CECR2: variants seen among roughly 807,000 people sequenced by gnomAD.
CECR2 encodes CECR2 histone acetyl-lysine reader.
In CECR2, 30 loss-of-function variants were observed where a neutral mutation model predicts 154.5. The ratio of observed to expected loss-of-function variants is 0.19; its 90% CI spans 0.15 to 0.26. The LOEUF is 0.26. Among genes scored for constraint, CECR2 ranks in the 10% least tolerant of loss-of-function variants. CECR2 has a pLI of 1.00. For missense variants in CECR2, 1,743 were observed against 1,829.3 expected (o/e 0.95, Z 0.86); for synonymous variants, 725 against 683.7 (o/e 1.06, Z -0.94).
At chr22:17,486,914 G>C (rs756450634) in intron 2 of CECR2, among the ~76,000 whole-genome samples, 1 of 152,030 alleles carries the variant, frequency 6.6e-6, no homozygotes, top group Non-Finnish European at 1.5e-5. Context: ...GTTTCATTCC[G>C]TAGGCTTGGG....
intron 1 of CECR2, among the ~76,000 whole-genome samples, chr22:17,423,647 T>C (rs936508108): frequency 6.6e-5 from 10 of 152,328 alleles, no homozygotes; most frequent in South Asian, 2.1e-4. Flanking sequence ...GAGGTAAATC[T>C]TAGAAGAATT....
At chr22:17,525,306 A>AG (rs1408496176) in intron 9 of CECR2, among the ~76,000 whole-genome samples, 24 of 145,978 alleles carry the variant, frequency 1.6e-4, no homozygotes, top group African/African-American at 5.9e-4. Flanking sequence ...AAAAAAAAAA[A>AG]AAAAAAAAAG....
At chr22:17,441,603 A>AT (rs1555909889) in intron 1 of CECR2, among the ~76,000 whole-genome samples, 9 of 151,554 alleles carry the variant, frequency 5.9e-5, no homozygotes, top group African/African-American at 2.2e-4. Context: ...TGTGGACCCC[A>AT]CCCCCCGTTA....
chr22:17,485,547 TCAC>T, intron 2 of CECR2, among the ~76,000 whole-genome samples: 1 of 152,150 alleles, frequency 6.6e-6, no homozygotes, highest in Non-Finnish European at 1.5e-5. Flanking sequence ...GGCAGGCCGC[TCAC>T]ATGAACTCAG....
chr22:17,541,701 C>A, intron 14 of CECR2, 138 bp from the exon 15 acceptor site: 1 of 1,024,128 alleles, frequency 9.8e-7, no homozygotes, highest in Non-Finnish European at 1.4e-6. Context: ...CGTGTGTTCA[C>A]AGTCTCCCTG....
chr22:17,459,416 C>G (rs115921732), intron 1 of CECR2, among the ~76,000 whole-genome samples: 2 of 152,116 alleles, frequency 1.3e-5, no homozygotes, highest in South Asian at 2.1e-4. Flanking sequence ...CTCAGCCACC[C>G]GAGTAGCTGG....
rs55977287 is a variant in CECR2, at chr22:17,480,419, T to TACACACACACACACAC, written c.221+2763_221+2778dup. Among the ~76,000 whole-genome samples the TACACACACACACACAC allele has an allele frequency of 3.0e-3, 411 of 137,404 alleles. 2 individuals are homozygous for TACACACACACACACAC. Among genetic ancestry groups the TACACACACACACACAC allele is most frequent in the East Asian group, 0.015 (70 of 4,596 alleles). The allele number at this position is 137,404 out of a possible 152,430, so 90.1% of individuals were successfully genotyped here. A position where few individuals can be genotyped will look rare whatever the true frequency, so the allele number is the denominator to read the frequency against. Reference sequence around the variant, plus strand: ...CTTGAAACTTACTACTCATGTATAATACACACACACACACACACACACACA... The same window carrying TACACACACACACACAC: ...CTTGAAACTTACTACTCATGTATAATACACACACACACACACACACACACACACACACACACACACA... On this transcript the variant is annotated intron_variant, in intron 2 of 18. Transcript: ENST00000262608.
intron 1 of CECR2, among the ~76,000 whole-genome samples, chr22:17,435,408 A>G (rs2054488594): frequency 6.6e-6 from 1 of 152,162 alleles, no homozygotes; most frequent in African/African-American, 2.4e-5. Context: ...ATCGGAAAGC[A>G]AGGTAGAATT....
intron 1 of CECR2, among the ~76,000 whole-genome samples, chr22:17,384,090 A>G (rs1403657536): frequency 1.3e-5 from 2 of 152,106 alleles, no homozygotes; most frequent in African/African-American, 4.8e-5. Context: ...GCTTCTTCCA[A>G]ACTCCTGTTA....
At chr22:17,474,800 TCTTAG>T (rs2055182305) in intron 1 of CECR2, among the ~76,000 whole-genome samples, 2 of 152,180 alleles carry the variant, frequency 1.3e-5, no homozygotes, top group Non-Finnish European at 2.9e-5. Flanking sequence ...CCCTCCCAGT[TCTTAG>T]CTTATCTTCT....
At chr22:17,481,802 C>T (rs1010311525) in intron 2 of CECR2, among the ~76,000 whole-genome samples, 1 of 152,220 alleles carries the variant, frequency 6.6e-6, no homozygotes, top group African/African-American at 2.4e-5. Flanking sequence ...AAACCTAGTG[C>T]GCTACCAGTC....
intron 1 of CECR2, among the ~76,000 whole-genome samples, chr22:17,468,163 G>C (rs1318010168): frequency 2.0e-5 from 3 of 152,196 alleles, no homozygotes; most frequent in Non-Finnish European, 4.4e-5. Context: ...GAAGAAAGGG[G>C]AGTATGCCCT....
At chr22:17,505,534 CTTTTTTTTTTTTTT>C (rs11387639) in intron 7 of CECR2, among the ~76,000 whole-genome samples, 2 of 98,838 alleles carry the variant, frequency 2.0e-5, no homozygotes, top group African/African-American at 8.3e-5. Flanking sequence ...CCTCTTTTTC[CTTTTTTTTTTTTTT>C]TTTTTTTTTG....
intron 1 of CECR2, among the ~76,000 whole-genome samples, chr22:17,446,363 G>A (rs142347417): frequency 1.3e-5 from 2 of 152,134 alleles, no homozygotes; most frequent in Non-Finnish European, 2.9e-5. Flanking sequence ...TGGGTTCTTG[G>A]TCTCACTGAC....
intron 2 of CECR2, among the ~76,000 whole-genome samples, chr22:17,487,116 CAG>C (rs1479713772): frequency 5.3e-5 from 8 of 152,148 alleles, no homozygotes; most frequent in African/African-American, 1.7e-4. Context: ...AAAACTTAAG[CAG>C]AGTTTTGATT....
chr22:17,527,338 G>C (rs1232202289), intron 9 of CECR2, among the ~76,000 whole-genome samples: 3 of 152,122 alleles, frequency 2.0e-5, no homozygotes, highest in Non-Finnish European at 1.5e-5. Flanking sequence ...CATACCTGTA[G>C]TGCCAGCTAC....
At chr22:17,481,644 A>G (rs1385304168) in intron 2 of CECR2, among the ~76,000 whole-genome samples, 1 of 152,160 alleles carries the variant, frequency 6.6e-6, no homozygotes, top group African/African-American at 2.4e-5. Flanking sequence ...ACATACTGTC[A>G]TTTTGTTCAG....
intron 2 of CECR2, among the ~76,000 whole-genome samples, chr22:17,487,920 T>G (rs1195806273): frequency 6.6e-6 from 1 of 152,054 alleles, no homozygotes; most frequent in Admixed American, 6.6e-5. Flanking sequence ...CTCGCTCTTG[T>G]CCCCCAGGTT....
Position 17,554,061 on chromosome 22 carries a change from A to C in CECR2, c.*1221A>C, listed in dbSNP as rs1301582934. On this transcript the variant is annotated 3_prime_UTR_variant, in exon 19 of 19. Coordinates refer to ENST00000262608, the MANE Select transcript of CECR2 (RefSeq NM_001290047.2). ...TCATGGTGATTTAAAATAGCTATCA[A>C]GAACAAGTTCTTGGAATTATCTGTT... 6.6e-6 allele frequency: 1 copy of C among 152,216 alleles called. No individual in the cohort carries two copies. Among genetic ancestry groups the C allele is most frequent in the Non-Finnish European group, 1.5e-5 (1 of 68,024 alleles). 9.4% of individuals were successfully genotyped at this position (152,216 alleles called of 1,614,324 possible).
Sources: gnomAD v4.1 joint callset for allele counts (sites outside exome capture counted in the v4.1 genomes callset) on GRCh38, gnomAD v4.1.1 for gene constraint, MANE v1.5 for transcripts, NCBI Gene and HGNC (gene_info 2026-07-23, HGNC 2026-07-21) for gene names.